Variants in DLGAP2 observed in about 807,000 individuals in gnomAD.
DLGAP2 encodes disks large-associated protein 2.
DLGAP2 carries 26 observed loss-of-function variants against 100.3 expected under a neutral mutation model. The ratio of observed to expected loss-of-function variants is 0.26; its 90% confidence interval spans 0.19 to 0.36. The LOEUF (loss-of-function observed/expected upper bound fraction) is 0.36. Ranked by LOEUF, DLGAP2 falls within the 10% of genes least tolerant of loss-of-function variation. DLGAP2 has a pLI of 1.00. For missense variants in DLGAP2, 1,858 were observed against 1,453.2 expected, an observed-to-expected ratio of 1.28 and a Z score of -4.53; for synonymous variants, 886 against 630.1, an observed-to-expected ratio of 1.41 and a Z score of -6.08.
chr8:1,226,993 C>T (rs1360588616), intron 2 of DLGAP2, among the ~76,000 whole-genome samples: 3 of 151,086 alleles, frequency 2.0e-5, no homozygotes, highest in African/African-American at 4.9e-5. Flanking sequence ...TATGACCCTG[C>T]AACCTGTCTT....
intron 3 of DLGAP2, among the ~76,000 whole-genome samples, chr8:1,345,386 G>C (rs1801532294): frequency 6.6e-6 from 1 of 152,200 alleles, no homozygotes; most frequent in African/African-American, 2.4e-5. Context: ...TAAGTACACT[G>C]CATGTAGTTT....
intron 3 of DLGAP2, among the ~76,000 whole-genome samples, chr8:1,333,298 A>G (rs1216519942): frequency 6.6e-6 from 1 of 152,100 alleles, no homozygotes; most frequent in South Asian, 2.1e-4. Context: ...GAGTCTCAGG[A>G]CACGGGGACG....
At chr8:1,620,429 A>C (rs1357617450) in intron 6 of DLGAP2, 1 of 152,180 alleles carries the variant, frequency 6.6e-6, no homozygotes, top group African/African-American at 2.4e-5. Flanking sequence ...GACGTCTTCC[A>C]CACTTTTACA....
chr8:1,199,974 AG>A (rs1166703501), intron 2 of DLGAP2, among the ~76,000 whole-genome samples: 1 of 151,536 alleles, frequency 6.6e-6, no homozygotes. Flanking sequence ...GGGTCTCAGC[AG>A]GGGTCAGTCT....
At chr8:1,494,240 C>T (rs185554823) in intron 3 of DLGAP2, among the ~76,000 whole-genome samples, 12 of 152,236 alleles carry the variant, frequency 7.9e-5, no homozygotes, top group Admixed American at 7.9e-4. Flanking sequence ...CATGTGTGAA[C>T]CTGGTTTTTC....
chr8:949,005 C>A (rs972406237), intron 2 of DLGAP2, among the ~76,000 whole-genome samples: 1 of 150,594 alleles, frequency 6.6e-6, no homozygotes, highest in African/African-American at 2.5e-5. Context: ...GGGAGCAGGA[C>A]CTGTCGGGGT....
chr8:1,592,343 A>C (rs550632836), intron 6 of DLGAP2, among the ~76,000 whole-genome samples: 1 of 152,156 alleles, frequency 6.6e-6, no homozygotes, highest in African/African-American at 2.4e-5. Flanking sequence ...AAATCTTCAC[A>C]TACTATTTTT....
chr8:1,625,591 C>G (rs1238543851), intron 6 of DLGAP2, among the ~76,000 whole-genome samples: 1 of 152,160 alleles, frequency 6.6e-6, no homozygotes, highest in Non-Finnish European at 1.5e-5. Context: ...TGAAAGTGAG[C>G]CTTGTATTTT....
chr8:1,289,233 G>A (rs565746939), intron 3 of DLGAP2, among the ~76,000 whole-genome samples: 11 of 152,312 alleles, frequency 7.2e-5, no homozygotes, highest in Admixed American at 4.6e-4. Flanking sequence ...TTAAAGATTG[G>A]ATGAGGTACA....
At chr8:1,241,918 T>G (rs1169302305) in intron 2 of DLGAP2, among the ~76,000 whole-genome samples, 1 of 152,192 alleles carries the variant, frequency 6.6e-6, no homozygotes, top group East Asian at 1.9e-4. Context: ...TTCTTGAAGT[T>G]TTAATATGAC....
chr8:1,179,238 C>G (rs937397897), intron 2 of DLGAP2, among the ~76,000 whole-genome samples: 4 of 152,254 alleles, frequency 2.6e-5, no homozygotes, highest in African/African-American at 7.2e-5. Context: ...GATGGGATGG[C>G]TGAGTATTTC....
At chr8:1,545,254 G>T (rs2130502543) in intron 4 of DLGAP2, among the ~76,000 whole-genome samples, 1 of 152,140 alleles carries the variant, frequency 6.6e-6, no homozygotes, top group Admixed American at 6.5e-5. Context: ...GACACCATCT[G>T]GTCCTGAACT....
intron 2 of DLGAP2, among the ~76,000 whole-genome samples, chr8:1,104,629 C>G (rs73524650): frequency 0.013 from 1,952 of 152,276 alleles, 48 homozygotes; most frequent in African/African-American, 0.045. Context: ...TTGGGCTGCT[C>G]CAGGAAATCG....
chr8:1,296,182 G>A (rs4976881), intron 3 of DLGAP2: 20,509 of 152,092 alleles, frequency 0.13, 1,453 homozygotes, highest in South Asian at 0.3. Flanking sequence ...ACTCCCTTTC[G>A]TGGCGCAGGT....
intron 4 of DLGAP2, among the ~76,000 whole-genome samples, chr8:1,523,393 C>T (rs959226535): frequency 1.3e-5 from 2 of 152,228 alleles, no homozygotes; most frequent in African/African-American, 4.8e-5. Flanking sequence ...TTGCCGGCCT[C>T]ACGCCGGCCG....
chr8:1,031,992 C>T (rs893353538), intron 2 of DLGAP2, among the ~76,000 whole-genome samples: 6 of 152,184 alleles, frequency 3.9e-5, no homozygotes, highest in East Asian at 3.9e-4. Flanking sequence ...GGGTGTTTCC[C>T]GGGCCCTTGT....
In DLGAP2 at chr8:1,291,728, C is replaced by G. The variant is rs143076279; in HGVS notation, c.106+32845C>G. 8.7e-3 allele frequency among the ~76,000 whole-genome samples: 1,319 copies of G among 152,174 alleles called. 9 individuals carry two copies. Among genetic ancestry groups the G allele is most frequent in the Non-Finnish European group, 0.013 (855 of 68,024 alleles). The stretch of plus-strand genomic sequence containing the variant: ...CTCATCCTGCTCAAAGTTGGGTGTT[C>G]CAGTGTGCTTTGGACCCCAACACCA... On this transcript the variant is annotated intron_variant, in intron 3 of 14. Coordinates refer to ENST00000637795, the MANE Select transcript of DLGAP2 (RefSeq NM_001346810.2).
intron 2 of DLGAP2, among the ~76,000 whole-genome samples, chr8:934,390 C>T (rs2129003964): frequency 6.6e-6 from 1 of 152,306 alleles, no homozygotes; most frequent in South Asian, 2.1e-4. Context: ...TGTGGAGACA[C>T]CTGGCTCTTT....
chr8:776,665 T>A (rs1248788422), intron 1 of DLGAP2, among the ~76,000 whole-genome samples: 2 of 152,100 alleles, frequency 1.3e-5, no homozygotes, highest in Non-Finnish European at 2.9e-5. Context: ...CGGTTTTGAG[T>A]GAGATTCTTA....
Sources: gnomAD v4.1 joint callset for allele counts (sites outside exome capture counted in the v4.1 genomes callset) on GRCh38, gnomAD v4.1.1 for gene constraint, MANE v1.5 for transcripts, NCBI Gene and HGNC (gene_info 2026-07-23, HGNC 2026-07-21) for gene names.